MYPN: variants seen among roughly 807,000 people sequenced by gnomAD.
MYPN encodes myopalladin, also known as sarcomeric protein myopalladin, 145 kDa (MYOP).
MYPN carries 63 observed loss-of-function variants against 129.4 expected under a neutral mutation model. The ratio of observed to expected loss-of-function variants is 0.49; its 90% CI spans 0.40 to 0.60. MYPN has a LOEUF of 0.60. Ranked by LOEUF, MYPN falls within the 20% of genes least tolerant of loss-of-function variation. The pLI is 0.00. For synonymous variants in MYPN, 629 were observed against 600.9 expected (o/e 1.05, Z -0.68); for missense variants, 1,596 against 1,635.4 (o/e 0.98, Z 0.42).
intron 1 of MYPN, among the ~76,000 whole-genome samples, chr10:68,091,121 A>T (rs991868462): frequency 1.3e-5 from 2 of 152,128 alleles, no homozygotes; most frequent in African/African-American, 4.8e-5. Context: ...CTTATTTTTT[A>T]AAAAACTAAA....
At chr10:68,197,903 T>C (rs569684092) in intron 16 of MYPN, among the ~76,000 whole-genome samples, 2 of 152,216 alleles carry the variant, frequency 1.3e-5, no homozygotes, top group African/African-American at 4.8e-5. Flanking sequence ...GCAGGTAGCA[T>C]AGACAGTGTG....
Position 68,092,492 on chromosome 10 carries a change from T to C in MYPN, c.-2+4500T>C, listed in dbSNP as rs377458227. Among the ~76,000 whole-genome samples the C allele has an allele frequency of 6.0e-5, 9 of 149,692 alleles. No homozygotes were observed. In the South Asian group the frequency reaches 1.9e-3, roughly 31 times the overall value. ...CCTGGGGGACAAGAGTGAGACTTCGTCTCAAAAAAAAAAAAAAAGAAATGT... is the reference window on the plus strand; with the variant it reads ...CCTGGGGGACAAGAGTGAGACTTCGCCTCAAAAAAAAAAAAAAAGAAATGT... On this transcript the variant is annotated intron_variant, in intron 1 of 6. Coordinates refer to the MYPN transcript ENST00000685154.
chr10:68,112,373 G>T (rs2042094150), intron 1 of MYPN, among the ~76,000 whole-genome samples: 1 of 152,044 alleles, frequency 6.6e-6, no homozygotes, highest in Admixed American at 6.6e-5. Context: ...TACATAATAC[G>T]CTTCGTAGGA....
chr10:68,095,717 C>T (rs562777340), intron 1 of MYPN, among the ~76,000 whole-genome samples: 1 of 152,218 alleles, frequency 6.6e-6, no homozygotes, highest in South Asian at 2.1e-4. Context: ...AGACAAAGTC[C>T]TAGGGACAGA....
intron 2 of MYPN, among the ~76,000 whole-genome samples, chr10:68,140,893 C>T (rs2042565874): frequency 6.6e-6 from 1 of 151,956 alleles, no homozygotes; most frequent in African/African-American, 2.4e-5. Flanking sequence ...GGAAACATAG[C>T]AAAACACGAA....
Position 68,174,271 on chromosome 10 carries a change from T to C in MYPN, c.2179T>C (p.Phe727Leu). Residue 727 changes from phenylalanine (F) to leucine (L), a missense_variant, in exon 11 of 20, where the codon TTC becomes CTC. Transcript: ENST00000358913. ...TFSLARPKYFFPSTNTTAATV... is the reference protein window; with the variant it reads ...TFSLARPKYFLPSTNTTAATV... ...CAGCTTGGCCCGGCCGAAGTATTTCTTCCCCTCCACGAACACCACCGCAGC... is the reference window on the plus strand; with the variant it reads ...CAGCTTGGCCCGGCCGAAGTATTTCCTCCCCTCCACGAACACCACCGCAGC... 2 of 1,614,176 alleles carry C rather than the reference T, an allele frequency of 1.2e-6. No individual in the cohort carries two copies. Among genetic ancestry groups the C allele is most frequent in the African/African-American group, 1.3e-5 (1 of 75,020 alleles).
chr10:68,095,770 A>AG, intron 1 of MYPN, among the ~76,000 whole-genome samples: 1 of 91,338 alleles, frequency 1.1e-5, no homozygotes, highest in Non-Finnish European at 1.9e-5. Context: ...AGAGGGGAAT[A>AG]GGGGGTTATT....
chr10:68,198,573 A>G (rs2043650789), intron 16 of MYPN, among the ~76,000 whole-genome samples: 2 of 152,056 alleles, frequency 1.3e-5, no homozygotes, highest in African/African-American at 4.8e-5. Context: ...TAATATTCGG[A>G]TTGATTGCTA....
chr10:68,172,392 T>C (rs2043157368), intron 10 of MYPN, among the ~76,000 whole-genome samples: 1 of 152,068 alleles, frequency 6.6e-6, no homozygotes, highest in Admixed American at 6.6e-5. Context: ...AAAGAACATA[T>C]AATTAGTGGT....
At position 68,201,896 on chromosome 10, in the gene MYPN, C is replaced by T. The variant is rs1386215092; in HGVS notation, c.3561C>T (p.His1187=). The change falls in exon 18 of 20, where the codon CAC becomes CAT. Residue 1187 remains histidine (H), a synonymous_variant. Transcript: ENST00000358913. The part of the protein sequence containing the change: ...KLQNCGVPEG[H]PVRLECRVIG... Reference sequence around the variant, plus strand: ...AGAACTGCGGTGTTCCCGAAGGCCACCCCGTGAGACTGGAGTGCCGCGTGA... The same window carrying T: ...AGAACTGCGGTGTTCCCGAAGGCCATCCCGTGAGACTGGAGTGCCGCGTGA... 2 of 1,614,150 alleles carry T rather than the reference C, an allele frequency of 1.2e-6. No individual in the cohort carries two copies. Among genetic ancestry groups the T allele is most frequent in the South Asian group, 1.1e-5 (1 of 91,080 alleles).
chr10:68,138,945 T>C (rs2042530162), intron 2 of MYPN, among the ~76,000 whole-genome samples: 1 of 152,194 alleles, frequency 6.6e-6, no homozygotes. Flanking sequence ...TGCTTAGTTC[T>C]GTGTTTCTAT....
At chr10:68,102,516 G>A (rs2041986732), upstream of MYPN, among the ~76,000 whole-genome samples, 1 of 152,172 alleles carries the variant, frequency 6.6e-6, no homozygotes, top group African/African-American at 2.4e-5. Flanking sequence ...ACCTATGTGA[G>A]AGAGTACTTT....
At chr10:68,195,082 ATCCAT>A (rs1210327641) in intron 14 of MYPN, among the ~76,000 whole-genome samples, 1 of 152,248 alleles carries the variant, frequency 6.6e-6, no homozygotes, top group East Asian at 1.9e-4. Flanking sequence ...GAACTATAAC[ATCCAT>A]TCCTACTGAA....
Position 68,121,821 on chromosome 10 carries a change from C to A in MYPN, c.383C>A (p.Ser128Tyr), listed in dbSNP as rs776243788. 6.2e-7 allele frequency: 1 copy of A among 1,614,178 alleles called. No individual in the cohort carries two copies. Among genetic ancestry groups the A allele is most frequent in the East Asian group, 2.2e-5 (1 of 44,890 alleles). ...GATAACCCTCGAAGTCCCACCAGCT[C>A]TAAAGAAAGCCCCCAGGAGGCAAAA... The part of the protein sequence containing the change: ...CQDNPRSPTS[S>Y]KESPQEAKRP... The change falls in exon 2 of 20, where the codon TCT becomes TAT. Residue 128 changes from serine (S) to tyrosine (Y), a missense_variant. Transcript: ENST00000358913.
chr10:68,122,336 G>T lies in MYPN; in HGVS notation c.898G>T (p.Val300Leu). Reference protein sequence around the residue: ...CIVVGIPPPQVRWYCEGKELE... With the variant: ...CIVVGIPPPQLRWYCEGKELE... ...AGTGGTAGGAATTCCACCACCTCAAGTAAGGTAAAAATGTCCCATTGGTAA... is the reference window on the plus strand; with the variant it reads ...AGTGGTAGGAATTCCACCACCTCAATTAAGGTAAAAATGTCCCATTGGTAA... Residue 300 changes from valine to leucine, a missense_variant, in exon 2 of 20, where the codon GTA (valine) becomes TTA (leucine). Val to Leu is a conservative substitution (Grantham distance 32). Transcript: ENST00000358913. 1 of 1,613,212 alleles carries T rather than the reference G, an allele frequency of 6.2e-7. No individual in the cohort carries two copies.
At chr10:68,177,240 T>C (rs1270702872) in intron 12 of MYPN, among the ~76,000 whole-genome samples, 1 of 152,154 alleles carries the variant, frequency 6.6e-6, no homozygotes, top group Non-Finnish European at 1.5e-5. Flanking sequence ...CTCTTAAACC[T>C]CCATCATGAA....
At chr10:68,098,898 G>T (rs1274490179) in intron 1 of MYPN, among the ~76,000 whole-genome samples, 1 of 152,136 alleles carries the variant, frequency 6.6e-6, no homozygotes, top group Non-Finnish European at 1.5e-5. Flanking sequence ...ATTTCCCATA[G>T]TAGCCAGGGA....
Position 68,121,564 on chromosome 10 carries a change from C to T in MYPN, c.126C>T (p.Cys42=). The part of the protein sequence containing the change: ...RSRAEPSSNP[C]HFGSPSGAAE... Reference sequence around the variant, plus strand: ...GAGCGGAGCCCTCCTCCAACCCTTGCCATTTCGGCAGTCCTTCTGGGGCCG... The same window carrying T: ...GAGCGGAGCCCTCCTCCAACCCTTGTCATTTCGGCAGTCCTTCTGGGGCCG... The change falls in exon 2 of 20, where the codon TGC becomes TGT. Residue 42 remains cysteine, a synonymous_variant. Coordinates refer to ENST00000358913, the MANE Select transcript of MYPN (RefSeq NM_032578.4). 2 of 1,614,198 alleles carry T rather than the reference C, an allele frequency of 1.2e-6. No homozygotes were observed. Among genetic ancestry groups the T allele is most frequent in the East Asian group, 4.5e-5 (2 of 44,884 alleles).
intron 12 of MYPN, 70 bp from the exon 13 acceptor site, chr10:68,188,835 C>T (rs912300185): frequency 2.0e-5 from 27 of 1,327,486 alleles, no homozygotes; most frequent in Non-Finnish European, 2.8e-5. Context: ...AAAGTGGCTT[C>T]CTCAATTGTA....
Sources: gnomAD v4.1 joint callset for allele counts (sites outside exome capture counted in the v4.1 genomes callset) on GRCh38, gnomAD v4.1.1 for gene constraint, MANE v1.5 for transcripts, NCBI Gene and HGNC (gene_info 2026-07-23, HGNC 2026-07-21) for gene names.